PTK2: variants seen among roughly 807,000 people sequenced by gnomAD.
PTK2 encodes protein tyrosine kinase 2, also known as focal adhesion kinase 1.
In PTK2, 45 loss-of-function variants were observed where a neutral mutation model predicts 150.1. The ratio of observed to expected loss-of-function variants is 0.30; its 90% CI spans 0.24 to 0.38. The LOEUF is 0.38. Among genes scored for constraint, PTK2 ranks in the 10% least tolerant of loss-of-function variants. The probability of loss-of-function intolerance (pLI) is 1.00; values close to 1 mark genes in which losing one functional copy is unlikely to be tolerated. For missense variants in PTK2, 919 were observed against 1,307.3 expected, an observed-to-expected ratio of 0.70 and a Z score of 4.58; for synonymous variants, 432 against 449.2, an observed-to-expected ratio of 0.96 and a Z score of 0.48.
At position 140,682,594 on chromosome 8, in the gene PTK2, T is replaced by C. The variant is rs188985810; in HGVS notation, c.2562+4038A>G. Among the ~76,000 whole-genome samples the C allele has an allele frequency of 2.2e-5, 3 of 138,262 alleles. No individual in the cohort carries two copies. In the East Asian group the frequency reaches 6.4e-4, roughly 30 times the overall value. The allele number at this position is 138,262 out of a possible 152,430, so 90.7% of individuals were successfully genotyped here. A position where few individuals can be genotyped will look rare whatever the true frequency, so the allele number is the denominator to read the frequency against. ...TCTGCACATGGTACATACTCTAAAA[T>C]AAACCACACAATTGGCTATAAAACA... On this transcript the variant is annotated intron_variant, in intron 27 of 31. Coordinates refer to ENST00000522684, the Ensembl canonical transcript of PTK2.
intron 1 of PTK2, among the ~76,000 whole-genome samples, chr8:140,966,460 T>G (rs986245354): frequency 6.6e-6 from 1 of 151,924 alleles, no homozygotes; most frequent in Non-Finnish European, 1.5e-5. Context: ...TTAATGCATG[T>G]TGAATCCTGT....
chr8:140,853,016 G>A (rs1248391930), intron 5 of PTK2, among the ~76,000 whole-genome samples: 2 of 152,114 alleles, frequency 1.3e-5, no homozygotes, highest in African/African-American at 4.8e-5. Flanking sequence ...GATAATTTAT[G>A]CACACACTGT....
chr8:140,968,202 A>G (rs922558211), intron 1 of PTK2, among the ~76,000 whole-genome samples: 3 of 152,198 alleles, frequency 2.0e-5, no homozygotes, highest in Non-Finnish European at 4.4e-5. Flanking sequence ...AATTTTAAAA[A>G]CCAATATTAA....
At chr8:140,682,699 A>G (rs2153627840) in intron 27 of PTK2, among the ~76,000 whole-genome samples, 1 of 152,176 alleles carries the variant, frequency 6.6e-6, no homozygotes, top group Admixed American at 6.5e-5. Context: ...TAAAAACAGA[A>G]TCAGTACTAA....
At chr8:140,668,161 G>T (rs569639932) in intron 30 of PTK2, 108 bp downstream of exon 34, 4 of 1,315,760 alleles carry the variant, frequency 3.0e-6, no homozygotes, top group East Asian at 2.4e-5. Flanking sequence ...TAAAGCATCA[G>T]TTCTGACTTT....
chr8:140,798,568 G>A (rs1456483854), intron 12 of PTK2, among the ~76,000 whole-genome samples: 1 of 152,092 alleles, frequency 6.6e-6, no homozygotes, highest in Non-Finnish European at 1.5e-5. Flanking sequence ...AGCAAAAAAC[G>A]CTAGCTAATA....
At chr8:140,901,835 G>A (rs906464307) in intron 2 of PTK2, among the ~76,000 whole-genome samples, 11 of 151,918 alleles carry the variant, frequency 7.2e-5, no homozygotes, top group Admixed American at 6.6e-4. Flanking sequence ...AGGCCCCGGT[G>A]TGTGATGTTC....
At chr8:140,921,583 T>G (rs1315759453) in intron 2 of PTK2, among the ~76,000 whole-genome samples, 1 of 152,216 alleles carries the variant, frequency 6.6e-6, no homozygotes, top group Non-Finnish European at 1.5e-5. Context: ...CCAAATATTT[T>G]TGCTGTAAAA....
At chr8:140,693,080 T>C (rs2100024179) in intron 26 of PTK2, among the ~76,000 whole-genome samples, 1 of 151,488 alleles carries the variant, frequency 6.6e-6, no homozygotes, top group Non-Finnish European at 1.5e-5. Context: ...AAAAAGCAAG[T>C]TGCAAAGTTA....
At chr8:140,762,426 T>C (rs1343327533) in intron 15 of PTK2, 38 bp from the exon 18 acceptor site, 1 of 1,090,146 alleles carries the variant, frequency 9.2e-7, no homozygotes, top group Admixed American at 4.7e-5. Context: ...TTGAAGACCT[T>C]GCTTAGAAAT....
At chr8:140,876,357 A>G (rs986765200) in intron 4 of PTK2, among the ~76,000 whole-genome samples, 1 of 152,218 alleles carries the variant, frequency 6.6e-6, no homozygotes, top group Non-Finnish European at 1.5e-5. Flanking sequence ...ACAGGTTGCC[A>G]GCTACTTTCC....
intron 31 of PTK2, among the ~76,000 whole-genome samples, chr8:140,660,886 T>C (rs112358713): frequency 9.6e-4 from 147 of 152,338 alleles, no homozygotes; most frequent in African/African-American, 3.3e-3. Context: ...ATTTGCTCTT[T>C]TATCAATTAT....
intron 31 of PTK2, among the ~76,000 whole-genome samples, chr8:140,662,424 C>A (rs1180267956): frequency 6.6e-6 from 1 of 152,174 alleles, no homozygotes; most frequent in East Asian, 1.9e-4. Flanking sequence ...AATAGTCCCA[C>A]TAAAATATCC....
intron 29 of PTK2, chr8:140,668,657 A>G (rs904287821): frequency 1.6e-5 from 7 of 439,008 alleles, no homozygotes; most frequent in African/African-American, 1.4e-4. Context: ...AGGAAATGAG[A>G]TGGAATCATA....
chr8:140,929,211 C>T (rs993955543), intron 1 of PTK2, among the ~76,000 whole-genome samples: 14 of 151,424 alleles, frequency 9.2e-5, no homozygotes, highest in Admixed American at 3.3e-4. Flanking sequence ...GTGATCCGCC[C>T]GCCTCGGCCT....
At position 140,938,953 on chromosome 8, in the gene PTK2, G is replaced by A. The variant is rs146090809; in HGVS notation, c.-121-13204C>T. On this transcript the variant is annotated intron_variant, in intron 1 of 31. Transcript: ENST00000522684. ...AGCCCAAGAGTTCAAATCCAGACTG[G>A]GCAATACAGTAAGACCCCATTCTCA... Among the ~76,000 whole-genome samples, 8 of 151,864 alleles carry A rather than the reference G, an allele frequency of 5.3e-5. No homozygotes were observed. In the East Asian group the frequency reaches 1.5e-3, roughly 29 times the overall value.
chr8:140,906,844 C>T (rs1464621341), intron 2 of PTK2, among the ~76,000 whole-genome samples: 1 of 152,090 alleles, frequency 6.6e-6, no homozygotes, highest in Non-Finnish European at 1.5e-5. Context: ...GAGATGATAT[C>T]CTAATTACCC....
At chr8:140,825,102 G>A (rs1430057730) in intron 8 of PTK2, among the ~76,000 whole-genome samples, 1 of 152,198 alleles carries the variant, frequency 6.6e-6, no homozygotes, top group Non-Finnish European at 1.5e-5. Flanking sequence ...CAATAAGAGA[G>A]TTTTTAAGGA....
chr8:140,819,430 G>A (rs760888144), intron 8 of PTK2, among the ~76,000 whole-genome samples: 6 of 152,126 alleles, frequency 3.9e-5, no homozygotes, highest in Non-Finnish European at 7.4e-5. Flanking sequence ...AAACCACAAT[G>A]CTTATCCATA....
Sources: allele counts gnomAD v4.1 joint callset (sites outside exome capture counted in the v4.1 genomes callset), GRCh38; gene constraint gnomAD v4.1.1; transcripts MANE v1.5; gene names NCBI Gene and HGNC (gene_info 2026-07-23, HGNC 2026-07-21).